Variants in NEGR1 observed in about 807,000 individuals in gnomAD.
The protein encoded by NEGR1 is neuronal growth regulator 1.
In NEGR1, 10 loss-of-function variants were observed where a neutral mutation model predicts 40.9. The ratio of observed to expected loss-of-function variants is 0.24; its 90% CI spans 0.15 to 0.42. The LOEUF is 0.42. Ranked by LOEUF, NEGR1 falls within the 10% of genes least tolerant of loss-of-function variation. The pLI, the probability that NEGR1 is intolerant of heterozygous loss-of-function variation, is 1.00. For missense variants in NEGR1, 352 were observed against 438.9 expected (o/e 0.80, Z 1.77); for synonymous variants, 185 against 166.8 (o/e 1.11, Z -0.84).
At chr1:71,994,758 T>C (rs1464269797) in intron 1 of NEGR1, among the ~76,000 whole-genome samples, 2 of 152,074 alleles carry the variant, frequency 1.3e-5, no homozygotes, top group African/African-American at 2.4e-5. Flanking sequence ...ACTGAGTATT[T>C]ATTTCAGTGT....
rs560423049 is a variant in NEGR1, at chr1:71,652,466, C to T, written c.668-41320G>A. Among the ~76,000 whole-genome samples, 59 of 152,204 alleles carry T rather than the reference C, an allele frequency of 3.9e-4. No individual in the cohort carries two copies. In the South Asian group the frequency reaches 5.4e-3, roughly 14 times the overall value. On this transcript the variant is annotated intron_variant, in intron 4 of 6. Transcript: ENST00000357731. ...AAAGTTATATGGAAACGCAGCACAG[C>T]CATTTTTTATAGACATATATGGCTA... is the stretch of plus-strand genomic sequence containing the variant.
At chr1:72,144,139 A>C (rs1570035927) in intron 1 of NEGR1, among the ~76,000 whole-genome samples, 1 of 150,968 alleles carries the variant, frequency 6.6e-6, no homozygotes, top group Non-Finnish European at 1.5e-5. Context: ...CAAGTATATC[A>C]CCAATTTTGA....
At chr1:71,549,708 T>A (rs553254048) in intron 6 of NEGR1, among the ~76,000 whole-genome samples, 7 of 151,748 alleles carry the variant, frequency 4.6e-5, no homozygotes, top group African/African-American at 1.7e-4. Context: ...CATAGAGAAT[T>A]CCAGCAGTGA....
chr1:71,814,371 T>C (rs1370786595), intron 2 of NEGR1, among the ~76,000 whole-genome samples: 3 of 152,112 alleles, frequency 2.0e-5, no homozygotes, highest in African/African-American at 7.2e-5. Context: ...TCTGAAGTTT[T>C]CTTTTTTGTG....
chr1:72,075,217 AG>A (rs1647671097), intron 1 of NEGR1, among the ~76,000 whole-genome samples: 1 of 152,168 alleles, frequency 6.6e-6, no homozygotes. Flanking sequence ...TTGTAATTAA[AG>A]TTTTGAAAAT....
At chr1:71,960,944 C>G (rs1235400435) in intron 1 of NEGR1, among the ~76,000 whole-genome samples, 2 of 151,918 alleles carry the variant, frequency 1.3e-5, no homozygotes, top group African/African-American at 4.8e-5. Context: ...GCTTATTTTC[C>G]TCAGTTATCA....
chr1:72,144,728 T>A (rs1650843773), intron 1 of NEGR1, among the ~76,000 whole-genome samples: 1 of 152,054 alleles, frequency 6.6e-6, no homozygotes, highest in African/African-American at 2.4e-5. Flanking sequence ...AAGTGTAGTG[T>A]GGAACAGGGT....
chr1:72,026,291 T>C (rs1015262625), intron 1 of NEGR1, among the ~76,000 whole-genome samples: 7 of 151,762 alleles, frequency 4.6e-5, no homozygotes, highest in Middle Eastern at 3.4e-3. Context: ...TGGGTGACTT[T>C]AGCAGTCATT....
At chr1:71,691,368 A>G (rs1286658735) in intron 4 of NEGR1, among the ~76,000 whole-genome samples, 1 of 151,868 alleles carries the variant, frequency 6.6e-6, no homozygotes, top group African/African-American at 2.4e-5. Flanking sequence ...TGTTGTATTA[A>G]GAAAAGAAGT....
chr1:71,988,332 G>T (rs1570582474), intron 1 of NEGR1, among the ~76,000 whole-genome samples: 1 of 152,068 alleles, frequency 6.6e-6, no homozygotes, highest in African/African-American at 2.4e-5. Flanking sequence ...GAGGTCAGGA[G>T]ATCGAGACCA....
At chr1:72,154,751 G>A (rs1651297581) in intron 1 of NEGR1, among the ~76,000 whole-genome samples, 2 of 152,016 alleles carry the variant, frequency 1.3e-5, no homozygotes, top group South Asian at 4.2e-4. Flanking sequence ...GACTTACAGG[G>A]CAAATCTGAG....
chr1:72,097,898 G>A (rs1648770669), intron 1 of NEGR1, among the ~76,000 whole-genome samples: 2 of 152,292 alleles, frequency 1.3e-5, no homozygotes, highest in South Asian at 2.1e-4. Context: ...AATCAAGAAA[G>A]TTTAAGTAAT....
chr1:71,870,165 C>T (rs112521827), intron 2 of NEGR1, among the ~76,000 whole-genome samples: 2,680 of 152,176 alleles, frequency 0.018, 88 homozygotes, highest in African/African-American at 0.061. Flanking sequence ...CAGGCGTGAG[C>T]CACCATGCCC....
chr1:71,977,647 T>C (rs1027444383), intron 1 of NEGR1, among the ~76,000 whole-genome samples: 5 of 151,812 alleles, frequency 3.3e-5, no homozygotes, highest in Admixed American at 3.3e-4. Context: ...ATATATGCAA[T>C]TTGGAGAACA....
At chr1:72,143,914 A>AATATATATATACATATATATATATATAT (rs1650793122) in intron 1 of NEGR1, among the ~76,000 whole-genome samples, 7 of 130,612 alleles carry the variant, frequency 5.4e-5, no homozygotes, top group African/African-American at 2.1e-4. Context: ...TGATATATAT[A>AATATATATATACATATATATATATATAT]ATATATATAT....
At chr1:71,862,628 A>G (rs1363671426) in intron 2 of NEGR1, among the ~76,000 whole-genome samples, 1 of 152,066 alleles carries the variant, frequency 6.6e-6, no homozygotes, top group African/African-American at 2.4e-5. Flanking sequence ...TTACTGATAT[A>G]TTTCTCTGGC....
chr1:72,126,096 TGTGTGTGTGTG>T (rs1160846373), intron 1 of NEGR1, among the ~76,000 whole-genome samples: 4 of 52,680 alleles, frequency 7.6e-5, no homozygotes, highest in African/African-American at 2.3e-4. Context: ...AAAGTATGTG[TGTGTGTGTGTG>T]TGTGTGTGTG....
At chr1:71,453,198 A>T (rs1646645336) in intron 6 of NEGR1, among the ~76,000 whole-genome samples, 1 of 152,138 alleles carries the variant, frequency 6.6e-6, no homozygotes, top group Non-Finnish European at 1.5e-5. Context: ...GAATTCAGAG[A>T]CGTGTTTTAT....
chr1:71,598,349 G>C (rs1276743277), intron 5 of NEGR1, among the ~76,000 whole-genome samples: 1 of 152,186 alleles, frequency 6.6e-6, no homozygotes, highest in African/African-American at 2.4e-5. Flanking sequence ...GGAAAGCCAG[G>C]TTTGATCCAG....
Sources: allele counts gnomAD v4.1 joint callset (sites outside exome capture counted in the v4.1 genomes callset), GRCh38; gene constraint gnomAD v4.1.1; transcripts MANE v1.5; gene names NCBI Gene and HGNC (gene_info 2026-07-23, HGNC 2026-07-21).